The following CCDC74B variants were observed in gnomAD, a reference collection of about 807,000 sequenced individuals.
CCDC74B encodes coiled-coil domain-containing protein 74B.
CCDC74B carries 34 observed loss-of-function variants against 38.0 expected under a neutral mutation model. That is an observed-to-expected ratio of 0.89 (90% CI 0.68 to 1.19). The LOEUF is 1.19. CCDC74B is among the 50% of genes most tolerant of loss of function. CCDC74B has a pLI of 0.00. For missense variants in CCDC74B, 358 were observed against 406.0 expected, an observed-to-expected ratio of 0.88 and a Z score of 1.02; for synonymous variants, 132 against 170.4, an observed-to-expected ratio of 0.77 and a Z score of 1.76.
chr2:130,142,931 T>C, intron 2 of CCDC74B: 1 of 1,550,140 alleles, frequency 6.5e-7, no homozygotes, highest in Admixed American at 2.0e-5. Context: ...ACAGCAGCAA[T>C]CTGAGGCAAA....
At chr2:130,143,598 A>G (rs1323162687) in intron 1 of CCDC74B, among the ~76,000 whole-genome samples, 1 of 152,192 alleles carries the variant, frequency 6.6e-6, no homozygotes, top group Non-Finnish European at 1.5e-5. Context: ...CCTGGGCTTT[A>G]GGGGTACAGA....
chr2:130,143,369 G>A (rs1685796655), intron 1 of CCDC74B, 56 bp from the exon 2 acceptor site: 2 of 1,610,650 alleles, frequency 1.2e-6, no homozygotes, highest in Non-Finnish European at 1.7e-6. Flanking sequence ...CATTCTGAGA[G>A]AAGAAGCCTG....
At chr2:130,143,485 C>T (rs774383940) in intron 1 of CCDC74B, among the ~76,000 whole-genome samples, 172 bp from the exon 2 acceptor site, 2 of 152,216 alleles carry the variant, frequency 1.3e-5, no homozygotes, top group Non-Finnish European at 2.9e-5. Flanking sequence ...TCGTGGGTGT[C>T]AGGCCAGGAG....
chr2:130,144,976 C>T lies in CCDC74B; in HGVS notation c.21G>A (p.Ala7=), dbSNP rs34080706. 0.36 allele frequency: 531,148 copies of T among 1,466,496 alleles called. 97,001 individuals carry two copies. Among genetic ancestry groups the T allele is most frequent in the Admixed American group, 0.43 (15,893 of 36,890 alleles). 90.8% of individuals were successfully genotyped at this position (1,466,496 alleles called of 1,614,324 possible). A position where few individuals can be genotyped will look rare whatever the true frequency, so the allele number is the denominator to read the frequency against. Residue 7 remains alanine (A), a synonymous_variant, in exon 1 of 8, where the codon GCG becomes GCA. Coordinates refer to ENST00000409943, the MANE Select transcript of CCDC74B (RefSeq NM_001258307.2). ...GCGAGCTGGGGGGCCGCGTCCCAGC[C>T]GCCACCCCCGCACCGCTCATATCGC... The part of the protein sequence containing the change: MSGAGV[A]AGTRPPSSPT...
chr2:130,139,575 G>C lies in CCDC74B; in HGVS notation c.925C>G (p.Leu309Val). 1 of 1,613,434 alleles carries C rather than the reference G, an allele frequency of 6.2e-7. No individual in the cohort carries two copies. The highest frequency in any genetic ancestry group is 2.2e-5 in the East Asian group (1 of 44,882). ...GTAGCTCAAAGCACCGAGCGATGCA[G>C]GCGCCGTTTCTGCATTGCCTGCAGC... ...KRLQAMQKRR[L>V]HRSVL Residue 309 changes from leucine (L) to valine (V), a missense_variant, in exon 8 of 8, where the codon CTG becomes GTG. By Grantham distance (32) the Leu-to-Val change is conservative. Transcript: ENST00000409943.
Position 130,145,046 on chromosome 2 carries a change from G to A in CCDC74B, c.-50C>T, listed in dbSNP as rs1482350909. On this transcript the variant is annotated 5_prime_UTR_variant, in exon 1 of 8. Transcript: ENST00000409943. ...GCTGCCACTGCACCCCGGCTCAGTGGCCAGGCCGCCCTAGCCTGGCGCCCC... is the reference window on the plus strand; with the variant it reads ...GCTGCCACTGCACCCCGGCTCAGTGACCAGGCCGCCCTAGCCTGGCGCCCC... 19 of 1,405,232 alleles carry A rather than the reference G, an allele frequency of 1.4e-5. 1 individual carries two copies. The highest frequency in any genetic ancestry group is 3.3e-5 in the Admixed American group (1 of 30,596). 87.0% of individuals were successfully genotyped at this position (1,405,232 alleles called of 1,614,324 possible). A position where few individuals can be genotyped will look rare whatever the true frequency, so the allele number is the denominator to read the frequency against.
chr2:130,139,783 G>A, intron 7 of CCDC74B, 93 bp from the exon 8 acceptor site: 1 of 1,606,928 alleles, frequency 6.2e-7, no homozygotes, highest in Non-Finnish European at 8.5e-7. Flanking sequence ...GGGGCACAGA[G>A]AGGCCTCAGC....
At chr2:130,139,864 C>T (rs775286324) in intron 7 of CCDC74B, 27 bp downstream of exon 7, 7 of 1,609,760 alleles carry the variant, frequency 4.3e-6, no homozygotes, top group South Asian at 3.3e-5. Flanking sequence ...AGGGCTGCCC[C>T]ACTGTCCCCA....
At chr2:130,142,577 C>T in intron 2 of CCDC74B, 1 of 1,549,522 alleles carries the variant, frequency 6.5e-7, no homozygotes, top group Non-Finnish European at 8.7e-7. Context: ...TTCTCCATGT[C>T]TCTCTGGGAA....
Position 130,139,666 on chromosome 2 carries a change from C to G in CCDC74B, c.834G>C (p.Ala278=). The G allele has an allele frequency of 1.9e-6, 3 of 1,613,102 alleles. No homozygotes were observed. The highest frequency in any genetic ancestry group is 2.5e-6 in the Non-Finnish European group (3 of 1,179,970). Residue 278 remains alanine (A), a synonymous_variant, in exon 8 of 8, where the codon GCG becomes GCC. Transcript: ENST00000409943. ...KKCLLLSPPV[A]ERAILPALKQ... ...TCAGTGCGGGCAGGATGGCACGCTCCGCCACAGGTGGGCTCAGAAGCAGGC... is the reference window on the plus strand; with the variant it reads ...TCAGTGCGGGCAGGATGGCACGCTCGGCCACAGGTGGGCTCAGAAGCAGGC...
At chr2:130,144,381 C>G (rs1320982982) in intron 1 of CCDC74B, 2 of 1,040,100 alleles carry the variant, frequency 1.9e-6, no homozygotes, top group African/African-American at 3.2e-5. Context: ...CCTCGCGATC[C>G]GCCCGTCTCG....
chr2:130,144,202 A>C (rs1017603709), intron 1 of CCDC74B, among the ~76,000 whole-genome samples: 8 of 152,030 alleles, frequency 5.3e-5, no homozygotes, highest in Admixed American at 2.0e-4. Context: ...TGCAGTGGCA[A>C]GATCTCGGCT....
At position 130,141,952 on chromosome 2, in the gene CCDC74B, C is replaced by A. The variant is rs1251530359; in HGVS notation, c.346+181G>T. 7.3e-6 allele frequency: 5 copies of A among 682,552 alleles called. 1 individual carries two copies. The highest frequency in any genetic ancestry group is 1.1e-5 in the Non-Finnish European group (5 of 440,176). The allele number at this position is 682,552 out of a possible 1,614,324, so 42.3% of individuals were successfully genotyped here. A position where few individuals can be genotyped will look rare whatever the true frequency, so the allele number is the denominator to read the frequency against. On this transcript the variant is annotated intron_variant, in intron 3 of 7. Transcript: ENST00000409943. ...GTGACTGGTCCCTGGTCCTGCCCAC[C>A]CCCCCTTAATCCCCTCCCGGTGGCT...
chr2:130,139,759 G>A (rs1685471693), intron 7 of CCDC74B, 69 bp from the exon 8 acceptor site: 2 of 1,606,986 alleles, frequency 1.2e-6, no homozygotes, highest in East Asian at 2.2e-5. Flanking sequence ...AGTGCGGCCT[G>A]CATGGCCCTC....
intron 2 of CCDC74B, 123 bp from the exon 3 acceptor site, chr2:130,142,306 C>A (rs1318807588): frequency 6.2e-7 from 1 of 1,610,236 alleles, no homozygotes; most frequent in Non-Finnish European, 8.5e-7. Flanking sequence ...CGGCTCTACC[C>A]ACACTCCGTT....
In CCDC74B at chr2:130,139,496, T is replaced by C. The variant is rs1685442017; in HGVS notation, c.*59A>G. ...GTAGCGGAAGTGTCAGGAAATGCTATAGAGAGCCAATCTCCAGCTGCAGGT... is the reference window on the plus strand; with the variant it reads ...GTAGCGGAAGTGTCAGGAAATGCTACAGAGAGCCAATCTCCAGCTGCAGGT... On this transcript the variant is annotated 3_prime_UTR_variant, in exon 8 of 8. Transcript: ENST00000409943. 12 of 1,597,066 alleles carry C rather than the reference T, an allele frequency of 7.5e-6. 1 individual carries two copies. In the South Asian group the frequency reaches 1.1e-4, roughly 15 times the overall value.
chr2:130,142,821 G>C, intron 2 of CCDC74B: 1 of 1,550,068 alleles, frequency 6.5e-7, no homozygotes, highest in African/African-American at 1.4e-5. Flanking sequence ...TTGCTGCCCA[G>C]ATGGCAGGAA....
intron 1 of CCDC74B, 193 bp downstream of exon 1, chr2:130,144,554 T>C: frequency 6.4e-7 from 1 of 1,550,506 alleles, no homozygotes; most frequent in Non-Finnish European, 8.7e-7. Flanking sequence ...GGTTCGGCAC[T>C]GCCCGGGGGC....
In CCDC74B at chr2:130,144,913, A is replaced by C; in HGVS notation, c.84T>G (p.Ser28=). Residue 28 remains serine (S), a synonymous_variant, in exon 1 of 8, where the codon TCT becomes TCG. Coordinates refer to ENST00000409943, the MANE Select transcript of CCDC74B (RefSeq NM_001258307.2). ...PGSRRRRQRP[S]VGVQSLRPQS... Reference sequence around the variant, plus strand: ...GCGGCCTCAAGGACTGGACGCCCACAGAGGGGCGCTGGCGCCGGCGCCGAG... The same window carrying C: ...GCGGCCTCAAGGACTGGACGCCCACCGAGGGGCGCTGGCGCCGGCGCCGAG... 2 of 1,563,552 alleles carry C rather than the reference A, an allele frequency of 1.3e-6. No individual in the cohort carries two copies. The highest frequency in any genetic ancestry group is 2.3e-5 in the East Asian group (1 of 44,340).
Sources: gnomAD v4.1 joint callset for allele counts (sites outside exome capture counted in the v4.1 genomes callset) on GRCh38, gnomAD v4.1.1 for gene constraint, MANE v1.5 for transcripts, NCBI Gene and HGNC (gene_info 2026-07-23, HGNC 2026-07-21) for gene names.